RHOXF2: variants seen among roughly 807,000 people sequenced by gnomAD.
RHOXF2 encodes PEPP subfamily gene 2.
Under a neutral mutation model 9.3 loss-of-function variants are expected in RHOXF2, and 2 were observed. The ratio of observed to expected loss-of-function variants is 0.22; its 90% CI spans 0.09 to 0.68. The LOEUF (loss-of-function observed/expected upper bound fraction) is 0.68, where lower values mean the gene tolerates loss of function less well. Ranked by LOEUF, RHOXF2 falls within the 30% of genes least tolerant of loss-of-function variation. RHOXF2 has a pLI of 0.82. For synonymous variants in RHOXF2, 15 were observed against 63.3 expected, an observed-to-expected ratio of 0.24 and a Z score of 3.62; for missense variants, 27 against 140.0, an observed-to-expected ratio of 0.19 and a Z score of 4.07.
At position 120,159,288 on chromosome X, in the gene RHOXF2, A is replaced by G. The variant is rs1336832880; in HGVS notation, c.353A>G (p.Tyr118Cys). Reference protein sequence around the residue: ...DQSEKEPGQQYSRPQGAVGGL... With the variant: ...DQSEKEPGQQCSRPQGAVGGL... ...AGCGAGAAGGAACCTGGGCAGCAGT[A>G]TTCGCGCCCACAGGGCGCCGTCGGG... Residue 118 changes from tyrosine (Y) to cysteine (C), a missense_variant, in exon 2 of 4, where the codon TAT becomes TGT. Tyr to Cys is a radical substitution (Grantham distance 194, BLOSUM62 -2). Transcript: ENST00000371388. 3 of 1,207,104 alleles carry G rather than the reference A, an allele frequency of 2.5e-6. No homozygotes were observed. In the African/African-American group the frequency reaches 5.3e-5, roughly 21 times the overall value.
Position 120,159,256 on chromosome X carries a change from C to T in RHOXF2, c.321C>T (p.Ser107=), listed in dbSNP as rs200866984. Residue 107 remains serine (S), a synonymous_variant, in exon 2 of 4, where the codon AGC becomes AGT. Transcript: ENST00000371388. ...TSGSDGNVED[S]DQSEKEPGQQ... ...GCAGCGATGGCAACGTTGAGGACAGCGACCAGAGCGAGAAGGAACCTGGGC... is the reference window on the plus strand; with the variant it reads ...GCAGCGATGGCAACGTTGAGGACAGTGACCAGAGCGAGAAGGAACCTGGGC... 9.1e-5 allele frequency: 110 copies of T among 1,208,271 alleles called. No individual in the cohort carries two copies. In the East Asian group the frequency reaches 1.3e-3, roughly 14 times the overall value.
chrX:120,164,898 G>T lies in RHOXF2; in HGVS notation c.*1111G>T. On this transcript the variant is annotated 3_prime_UTR_variant, in exon 4 of 4. Coordinates refer to ENST00000371388, the MANE Select transcript of RHOXF2 (RefSeq NM_032498.3). ...CCAAGTGGATTCTTTTTTCTTCTCC[G>T]ATTGAGATTTTCCTTTTTTTTTTTT... The T allele has an allele frequency of 3.1e-5, 1 of 32,704 alleles. No individual in the cohort carries two copies. The highest frequency in any genetic ancestry group is 4.7e-5 in the Non-Finnish European group (1 of 21,300). 2.7% of individuals were successfully genotyped at this position (32,704 alleles called of 1,213,427 possible). A position where few individuals can be genotyped will look rare whatever the true frequency, so the allele number is the denominator to read the frequency against.
chrX:120,159,121 G>A lies in RHOXF2; in HGVS notation c.186G>A (p.Ser62=), dbSNP rs374278020. ...QGTAAGEKLK[S]AGAQGGEEKD... ...CAGCAGCAGGAGAAAAGTTAAAGTC[G>A]GCAGGAGCCCAAGGCGGAGAAGAAA... Residue 62 remains serine, a synonymous_variant, in exon 2 of 4, where the codon TCG becomes TCA. Transcript: ENST00000371388. The A allele has an allele frequency of 2.2e-4, 264 of 1,199,051 alleles. 1 individual carries two copies. The highest frequency in any genetic ancestry group is 2.8e-4 in the Non-Finnish European group (248 of 891,061).
At chrX:120,163,316 GAT>G in intron 3 of RHOXF2, 140 bp from the exon 4 acceptor site, 2 of 422,537 alleles carry the variant, frequency 4.7e-6, no homozygotes, top group Non-Finnish European at 4.2e-6. Context: ...ACCTTTCTAA[GAT>G]ATTTTAGTAG....
In RHOXF2 at chrX:120,159,114, T is replaced by C; in HGVS notation, c.179T>C (p.Leu60Ser). 1.7e-6 allele frequency: 2 copies of C among 1,200,676 alleles called. No homozygotes were observed. Among genetic ancestry groups the C allele is most frequent in the Non-Finnish European group, 2.2e-6 (2 of 891,437 alleles). ...CAAGGCACAGCAGCAGGAGAAAAGT[T>C]AAAGTCGGCAGGAGCCCAAGGCGGA... Reference protein sequence around the residue: ...PEQGTAAGEKLKSAGAQGGEE... With the variant: ...PEQGTAAGEKSKSAGAQGGEE... Residue 60 changes from leucine (L) to serine (S), a missense_variant, in exon 2 of 4, where the codon TTA (leucine) becomes TCA (serine). Around this residue, in one of 2 missense-constraint regions of RHOXF2, gnomAD observed 27 missense variants for 110.4 expected, o/e 0.24. Coordinates refer to ENST00000371388, the MANE Select transcript of RHOXF2 (RefSeq NM_032498.3).
chrX:120,158,963 C>CT, intron 1 of RHOXF2, 52 bp from the exon 2 acceptor site: 1 of 705,256 alleles, frequency 1.4e-6, no homozygotes, highest in South Asian at 2.7e-5. Context: ...CTCCTTCCAA[C>CT]ACCCTCAGGA....
rs1485561691 is a variant in RHOXF2, at chrX:120,163,235, CAAAG to C, written c.538-219_538-216del. Among the ~76,000 whole-genome samples, 28 of 110,493 alleles carry C rather than the reference CAAAG, an allele frequency of 2.5e-4. 1 individual carries two copies. The highest frequency in any genetic ancestry group is 3.6e-4 in the Non-Finnish European group (19 of 52,485). On this transcript the variant is annotated intron_variant, in intron 3 of 3. Coordinates refer to ENST00000371388, the MANE Select transcript of RHOXF2 (RefSeq NM_032498.3). ...AATATTACAGATAAAAGGAGAGAGA[CAAAG>C]AAATAAGCCAAGCCAGAGCGTACGT...
In RHOXF2 at chrX:120,159,434, C is replaced by T; in HGVS notation, c.491+8C>T. 5 of 1,206,931 alleles carry T rather than the reference C, an allele frequency of 4.1e-6. No individual in the cohort carries two copies. The highest frequency in any genetic ancestry group is 5.6e-6 in the Non-Finnish European group (5 of 892,928). The stretch of plus-strand genomic sequence containing the variant: ...CCCCAGTGAGTTCCTGCGGTAAGCC[C>T]ATTGCTCTGGTTGGCGCGCGGTTTG... On this transcript the variant is annotated splice_region_variant and intron_variant, in intron 2 of 3. Coordinates refer to ENST00000371388, the MANE Select transcript of RHOXF2 (RefSeq NM_032498.3).
At position 120,165,031 on chromosome X, in the gene RHOXF2, C is replaced by G. The variant is rs1350071842; in HGVS notation, c.*1244C>G. The G allele has an allele frequency of 9.6e-5, 8 of 83,628 alleles. No individual in the cohort carries two copies. The highest frequency in any genetic ancestry group is 7.3e-4 in the Admixed American group (5 of 6,842). The allele number at this position is 83,628 out of a possible 1,213,427, so 6.9% of individuals were successfully genotyped here. A position where few individuals can be genotyped will look rare whatever the true frequency, so the allele number is the denominator to read the frequency against. ...GTCTGGAAATTGTTTCCATTTGGTACATTTTGTGCCAGTCGGTCTATTCCT... is the reference window on the plus strand; with the variant it reads ...GTCTGGAAATTGTTTCCATTTGGTAGATTTTGTGCCAGTCGGTCTATTCCT... On this transcript the variant is annotated 3_prime_UTR_variant, in exon 4 of 4. Transcript: ENST00000371388.
chrX:120,159,184 C>T lies in RHOXF2; in HGVS notation c.249C>T (p.Ala83=), dbSNP rs782040477. ...GAGAAGAAAAAGATGGCGGCGGCGC[C>T]GGAGTTCCTGGCCACCTATGGGAAG... The part of the protein sequence containing the change: ...GGGEEKDGGG[A]GVPGHLWEGD... Residue 83 remains alanine (A), a synonymous_variant, in exon 2 of 4, where the codon GCC becomes GCT. Coordinates refer to ENST00000371388, the MANE Select transcript of RHOXF2 (RefSeq NM_032498.3). The T allele has an allele frequency of 1.2e-5, 15 of 1,207,877 alleles. No homozygotes were observed. The highest frequency in any genetic ancestry group is 5.3e-5 in the South Asian group (3 of 56,226).
chrX:120,163,350 TACACCCGAAA>T, intron 3 of RHOXF2, 98 bp from the exon 4 acceptor site: 2 of 359,439 alleles, frequency 5.6e-6, no homozygotes, highest in Non-Finnish European at 9.8e-6. Flanking sequence ...CTTGTCTTGA[TACACCCGAAA>T]AGGTTAAGGA....
chrX:120,161,595 GGAA>G (rs1387040992), intron 3 of RHOXF2, among the ~76,000 whole-genome samples: 17 of 110,862 alleles, frequency 1.5e-4, no homozygotes, highest in East Asian at 8.4e-4. Context: ...TTGCAAAAAA[GGAA>G]GAAAAGAAAG....
Position 120,159,164 on chromosome X carries a change from G to A in RHOXF2, c.229G>A (p.Glu77Lys). 1 of 1,204,768 alleles carries A rather than the reference G, an allele frequency of 8.3e-7. No homozygotes were observed. Among genetic ancestry groups the A allele is most frequent in the Middle Eastern group, 2.3e-4 (1 of 4,309 alleles). The change falls in exon 2 of 4, where the codon GAA (glutamate) becomes AAA (lysine). Residue 77 changes from glutamate to lysine, a missense_variant. By Grantham distance (56) the Glu-to-Lys change is moderately conservative (BLOSUM62 1). Around this residue, in one of 2 missense-constraint regions of RHOXF2, gnomAD observed 27 missense variants for 110.4 expected, o/e 0.24. Coordinates refer to ENST00000371388, the MANE Select transcript of RHOXF2 (RefSeq NM_032498.3). ...GGEEKDGGGE[E>K]KDGGGAGVPG... ...AGAAGAAAAAGATGGCGGCGGAGAA[G>A]AAAAAGATGGCGGCGGCGCCGGAGT...
intron 3 of RHOXF2, among the ~76,000 whole-genome samples, chrX:120,162,727 T>TC (rs1333679497): frequency 2.0e-5 from 2 of 98,498 alleles, no homozygotes; most frequent in Non-Finnish European, 4.1e-5. Flanking sequence ...ATTTGTGTCC[T>TC]CCTTCCACAA....
At position 120,163,575 on chromosome X, in the gene RHOXF2, AT is replaced by A; in HGVS notation, c.656del (p.Ile219LysfsTer10). The A allele has an allele frequency of 3.3e-6, 1 of 305,455 alleles. No homozygotes were observed. Among genetic ancestry groups the A allele is most frequent in the Non-Finnish European group, 5.5e-6 (1 of 180,634 alleles). 25.2% of individuals were successfully genotyped at this position (305,455 alleles called of 1,213,427 possible). ...TGTCATGGTAACCGCAGCTGAGGCC[AT>A]AACGGCACCCTTGTTCATCAGCGGG... ...QPVMVTAAEA[I>X]TAPLFISGMR... On this transcript the variant is annotated frameshift_variant, in exon 4 of 4. Coordinates refer to ENST00000371388, the MANE Select transcript of RHOXF2 (RefSeq NM_032498.3). LOFTEE classifies it low-confidence loss of function (END_TRUNC).
In RHOXF2 at chrX:120,159,293, CGCCCACAG is replaced by C; in HGVS notation, c.360_367del (p.Pro121ArgfsTer38). ...GAAGGAACCTGGGCAGCAGTATTCG[CGCCCACAG>C]GGCGCCGTCGGGGGGCTGGAGCCTG... On this transcript the variant is annotated frameshift_variant, in exon 2 of 4. Coordinates refer to ENST00000371388, the MANE Select transcript of RHOXF2 (RefSeq NM_032498.3). LOFTEE classifies it high-confidence loss of function. 1.7e-6 allele frequency: 2 copies of C among 1,208,161 alleles called. No homozygotes were observed. The highest frequency in any genetic ancestry group is 2.2e-6 in the Non-Finnish European group (2 of 893,420).
chrX:120,161,572 T>C (rs1450502312), intron 3 of RHOXF2, among the ~76,000 whole-genome samples: 1 of 108,207 alleles, frequency 9.2e-6, no homozygotes, highest in African/African-American at 3.4e-5. Context: ...GGTCAGTGGA[T>C]CCAAAGGAGT....
rs1355973853 is a variant in RHOXF2, at chrX:120,165,212, A to G, written c.*1425A>G. ...GTTATCAGATTCATAAAATTTTTAC[A>G]CCATCAAAAGACATTTTTAGCCATA... is the stretch of plus-strand genomic sequence containing the variant. On this transcript the variant is annotated 3_prime_UTR_variant, in exon 4 of 4. Transcript: ENST00000371388. 2.7e-5 allele frequency: 2 copies of G among 74,792 alleles called. No homozygotes were observed. Among genetic ancestry groups the G allele is most frequent in the East Asian group, 1.6e-3 (2 of 1,217 alleles). 6.2% of individuals were successfully genotyped at this position (74,792 alleles called of 1,213,427 possible).
rs140903249 is a variant in RHOXF2 at position 120,159,217 on chromosome X, C to T, written c.282C>T (p.Leu94=). ...GVPGHLWEGD[L]EGTSGSDGNV... is the part of the protein sequence containing the mutation. Reference sequence around the variant, plus strand: ...CTGGCCACCTATGGGAAGGAGACCTCGAGGGCACCAGCGGCAGCGATGGCA... The same window carrying T: ...CTGGCCACCTATGGGAAGGAGACCTTGAGGGCACCAGCGGCAGCGATGGCA... The change falls in exon 2 of 4, where the codon CTC becomes CTT. Residue 94 remains leucine, a synonymous_variant. Coordinates refer to ENST00000371388, the MANE Select transcript of RHOXF2 (RefSeq NM_032498.3). The T allele has an allele frequency of 1.2e-3, 1,413 of 1,205,265 alleles. 8 individuals carry two copies. The highest frequency in any genetic ancestry group is 1.5e-3 in the Non-Finnish European group (1,321 of 893,364).
Sources: gnomAD v4.1 joint callset for allele counts (sites outside exome capture counted in the v4.1 genomes callset) on GRCh38, gnomAD v4.1.1 for gene constraint, gnomAD v4.1.1 regional missense constraint, MANE v1.5 for transcripts, NCBI Gene and HGNC (gene_info 2026-07-23, HGNC 2026-07-21) for gene names.